TES: variants seen among roughly 807,000 people sequenced by gnomAD.
TES encodes the protein testin.
In TES, 41 loss-of-function variants were observed where a neutral mutation model predicts 48.2. The ratio of observed to expected loss-of-function variants is 0.85; its 90% CI spans 0.66 to 1.10. TES has a LOEUF of 1.10. TES is among the 50% of genes least tolerant of loss of function. The pLI, the probability that TES is intolerant of heterozygous loss-of-function variation, is 0.00. For synonymous variants in TES, 162 were observed against 174.9 expected, an observed-to-expected ratio of 0.93 and a Z score of 0.58; for missense variants, 463 against 515.1, an observed-to-expected ratio of 0.90 and a Z score of 0.98.
rs141700483 is a variant in TES, at chr7:116,235,787, TAGAATACTTTC to T, written c.113+1170_113+1180del. ...CTACAGATTTCCACAGGAAACCGTT[TAGAATACTTTC>T]ATCAGCTCTTGGAGATGTGTACAGT... On this transcript the variant is annotated intron_variant, in intron 2 of 6. Coordinates refer to ENST00000358204, the MANE Select transcript of TES (RefSeq NM_015641.4). Among the ~76,000 whole-genome samples the T allele has an allele frequency of 2.4e-3, 368 of 152,350 alleles. 1 individual carries two copies. Among genetic ancestry groups the T allele is most frequent in the African/African-American group, 7.9e-3 (329 of 41,578 alleles).
chr7:116,241,001 T>G (rs1799840856), intron 2 of TES, among the ~76,000 whole-genome samples: 1 of 152,206 alleles, frequency 6.6e-6, no homozygotes, highest in Non-Finnish European at 1.5e-5. Context: ...TTTAGGTTTG[T>G]ATAAAACCAC....
intron 1 of TES, among the ~76,000 whole-genome samples, chr7:116,215,824 A>G (rs946148056): frequency 1.3e-5 from 2 of 152,148 alleles, no homozygotes; most frequent in African/African-American, 4.8e-5. Context: ...CCTTGTAGCA[A>G]AGTGTTCAGA....
At chr7:116,252,165 A>G (rs1439550194) in intron 5 of TES, among the ~76,000 whole-genome samples, 153 bp from the exon 6 acceptor site, 1 of 152,250 alleles carries the variant, frequency 6.6e-6, no homozygotes, top group Non-Finnish European at 1.5e-5. Flanking sequence ...AAGACTAGAA[A>G]TATAAAAGAT....
At chr7:116,226,648 A>G (rs1284973411) in intron 1 of TES, among the ~76,000 whole-genome samples, 2 of 152,274 alleles carry the variant, frequency 1.3e-5, no homozygotes, top group Admixed American at 1.3e-4. Flanking sequence ...ATAGCAATAC[A>G]ACGTCATACA....
intron 6 of TES, chr7:116,255,238 G>C (rs1800081230): frequency 6.6e-6 from 1 of 152,144 alleles, no homozygotes; most frequent in Admixed American, 6.5e-5. Flanking sequence ...TTTACATCCT[G>C]TGTACAAATA....
At chr7:116,216,480 A>G (rs1799495320) in intron 1 of TES, among the ~76,000 whole-genome samples, 1 of 152,118 alleles carries the variant, frequency 6.6e-6, no homozygotes, top group Non-Finnish European at 1.5e-5. Context: ...GGGGAACCAG[A>G]TGATTTCTGA....
At chr7:116,220,691 G>C (rs1373242007) in intron 1 of TES, among the ~76,000 whole-genome samples, 3 of 152,132 alleles carry the variant, frequency 2.0e-5, no homozygotes, top group Non-Finnish European at 4.4e-5. Flanking sequence ...AACATTTTGA[G>C]AACCAGAACT....
chr7:116,213,012 C>T (rs3807958), intron 1 of TES, among the ~76,000 whole-genome samples: 66,274 of 151,984 alleles, frequency 0.44, 14,831 homozygotes, highest in East Asian at 0.71. Flanking sequence ...AGAGATGTCC[C>T]GTATGACTCC....
At chr7:116,236,572 C>T (rs772976558) in intron 2 of TES, among the ~76,000 whole-genome samples, 6 of 152,052 alleles carry the variant, frequency 3.9e-5, no homozygotes, top group Non-Finnish European at 7.4e-5. Context: ...TTTTATTTTA[C>T]TTGTGAAACA....
intron 2 of TES, among the ~76,000 whole-genome samples, chr7:116,241,530 G>A (rs1799848752): frequency 6.6e-6 from 1 of 152,098 alleles, no homozygotes; most frequent in Non-Finnish European, 1.5e-5. Flanking sequence ...CCCTTCTTGG[G>A]TCACATTCTT....
At chr7:116,254,758 A>ATGTG (rs202115399) in intron 6 of TES, among the ~76,000 whole-genome samples, 2,051 of 116,738 alleles carry the variant, frequency 0.018, 29 homozygotes, top group Non-Finnish European at 0.024. Flanking sequence ...ATATATATAT[A>ATGTG]TGTGTGTGTG....
chr7:116,232,317 TTC>T (rs372812577), intron 1 of TES, among the ~76,000 whole-genome samples: 96 of 152,316 alleles, frequency 6.3e-4, no homozygotes, highest in Middle Eastern at 3.4e-3. Flanking sequence ...TATGTGCAAG[TTC>T]TTTGTCATGA....
intron 6 of TES, among the ~76,000 whole-genome samples, chr7:116,254,474 G>A (rs78048047): frequency 0.21 from 32,006 of 151,902 alleles, 3,780 homozygotes; most frequent in East Asian, 0.43. Flanking sequence ...GGTGGCTCAC[G>A]CCTGTAATCC....
At chr7:116,228,046 C>T (rs1799647862) in intron 1 of TES, among the ~76,000 whole-genome samples, 1 of 144,610 alleles carries the variant, frequency 6.9e-6, no homozygotes, top group Admixed American at 7.0e-5. Context: ...ATCTGACATG[C>T]AGTACCTTTT....
chr7:116,236,649 G>T (rs557802090), intron 2 of TES, among the ~76,000 whole-genome samples: 1 of 152,096 alleles, frequency 6.6e-6, no homozygotes, highest in Non-Finnish European at 1.5e-5. Flanking sequence ...AAAACCGCTC[G>T]TGAGATTTTA....
In TES at chr7:116,252,381, T is replaced by C. The variant is rs1800028988; in HGVS notation, c.982T>C (p.Cys328Arg). 1 of 1,614,090 alleles carries C rather than the reference T, an allele frequency of 6.2e-7. No individual in the cohort carries two copies. The highest frequency in any genetic ancestry group is 8.5e-7 in the Non-Finnish European group (1 of 1,180,014). The change falls in exon 6 of 7, where the codon TGC becomes CGC. Residue 328 changes from cysteine to arginine, a missense_variant. Physicochemically the swap from Cys to Arg is radical, Grantham distance 180. Transcript: ENST00000358204. The part of the protein sequence containing the change: ...NQNWHLKHFC[C>R]FDCDSILAGE... ...GAATTGGCACCTGAAACACTTCTGC[T>C]GCTTTGACTGTGATAGCATTCTAGC...
intron 1 of TES, among the ~76,000 whole-genome samples, chr7:116,219,011 C>G (rs2740389): frequency 0.98 from 148,795 of 152,226 alleles, 72,810 homozygotes; most frequent in East Asian, 1. Context: ...GTGACTTACA[C>G]TTTGTGAACT....
rs1465738741 is a variant in TES at position 116,210,541 on chromosome 7, T to C, written c.-167T>C. The C allele has an allele frequency of 1.4e-6, 1 of 721,514 alleles. No homozygotes were observed. Among genetic ancestry groups the C allele is most frequent in the Admixed American group, 4.5e-5 (1 of 21,988 alleles). 44.7% of individuals were successfully genotyped at this position (721,514 alleles called of 1,614,324 possible). A position where few individuals can be genotyped will look rare whatever the true frequency, so the allele number is the denominator to read the frequency against. ...TCCCGGGTCCGGGCCGCAGGCCCGC[T>C]GCGGCGGACTGGGCGGCGGAAGTTC... is the stretch of plus-strand genomic sequence containing the variant. On this transcript the variant is annotated 5_prime_UTR_variant, in exon 1 of 7. Transcript: ENST00000358204.
chr7:116,235,086 G>A (rs1291575065), intron 2 of TES, among the ~76,000 whole-genome samples: 1 of 152,154 alleles, frequency 6.6e-6, no homozygotes, highest in Admixed American at 6.5e-5. Flanking sequence ...TGAGATTACA[G>A]GCTTGTGCCA....
Sources: allele counts gnomAD v4.1 joint callset (sites outside exome capture counted in the v4.1 genomes callset), GRCh38; gene constraint gnomAD v4.1.1; transcripts MANE v1.5; gene names NCBI Gene and HGNC (gene_info 2026-07-23, HGNC 2026-07-21).